The following DAAM1 variants were observed in gnomAD, a reference collection of about 807,000 sequenced individuals.
DAAM1 encodes the protein dishevelled associated activator of morphogenesis 1.
In DAAM1, 52 loss-of-function variants were observed where a neutral mutation model predicts 130.0. The observed-to-expected ratio is 0.40, with a 90% CI of 0.32 to 0.50. DAAM1 has a LOEUF of 0.50. Among genes scored for constraint, DAAM1 ranks in the 20% least tolerant of loss-of-function variants. The pLI is 0.61. For missense variants in DAAM1, 1,134 were observed against 1,303.8 expected, an observed-to-expected ratio of 0.87 and a Z score of 2.01; for synonymous variants, 452 against 444.5, an observed-to-expected ratio of 1.02 and a Z score of -0.21.
chr14:59,241,633 C>T (rs1253017), intron 1 of DAAM1, among the ~76,000 whole-genome samples: 132,614 of 152,212 alleles, frequency 0.87, 58,807 homozygotes, highest in East Asian at 1. Flanking sequence ...TAATTCTGCT[C>T]TACTGCACCC....
chr14:59,275,429 T>A (rs1007401599), intron 2 of DAAM1, among the ~76,000 whole-genome samples: 2 of 151,960 alleles, frequency 1.3e-5, no homozygotes, highest in Non-Finnish European at 2.9e-5. Flanking sequence ...ACCCCGAACT[T>A]AAAAGTTAAA....
chr14:59,204,709 T>C (rs1888208221), intron 1 of DAAM1, among the ~76,000 whole-genome samples: 1 of 152,214 alleles, frequency 6.6e-6, no homozygotes, highest in Admixed American at 6.5e-5. Context: ...TCTTGATGAT[T>C]ATTAAAATGA....
At chr14:59,349,424 A>T (rs1376474184) in intron 17 of DAAM1, among the ~76,000 whole-genome samples, 1 of 152,254 alleles carries the variant, frequency 6.6e-6, no homozygotes. Flanking sequence ...CAGAATCTGG[A>T]CAAGTAGGAT....
intron 4 of DAAM1, 64 bp from the exon 5 acceptor site, chr14:59,320,426 G>T: frequency 1.5e-6 from 2 of 1,293,242 alleles, no homozygotes; most frequent in Non-Finnish European, 2.2e-6. Context: ...CTGTAGGTTT[G>T]TCTTGTTTGT....
rs188230915 is a variant in DAAM1 at position 59,237,652 on chromosome 14, A to G, written c.-37-25789A>G. On this transcript the variant is annotated intron_variant, in intron 1 of 24. Transcript: ENST00000360909. Reference sequence around the variant, plus strand: ...TAAAATATTTTGTGCCAGGATTGATATAGGCCTTATTGCATCTAATAAGAC... The same window carrying G: ...TAAAATATTTTGTGCCAGGATTGATGTAGGCCTTATTGCATCTAATAAGAC... 2.9e-3 allele frequency among the ~76,000 whole-genome samples: 444 copies of G among 152,290 alleles called. 1 individual carries two copies. Among genetic ancestry groups the G allele is most frequent in the Middle Eastern group, 6.8e-3 (2 of 294 alleles).
At chr14:59,367,353 G>A in intron 23 of DAAM1, 76 bp from the exon 24 acceptor site, 1 of 1,515,264 alleles carries the variant, frequency 6.6e-7, no homozygotes, top group South Asian at 1.4e-5. Flanking sequence ...CTGGGCTTTG[G>A]TCTTTCTCAA....
At position 59,331,327 on chromosome 14, in the gene DAAM1, G is replaced by A. The variant is rs1166666267; in HGVS notation, c.1679G>A (p.Gly560Glu). 6.2e-7 allele frequency: 1 copy of A among 1,611,408 alleles called. No individual in the cohort carries two copies. ...CCACCACCCCCACCTCTACCAGGTG[G>A]GATGCTTCCCCCTCCACCGCCTCCC... ...PPPPPPPLPG[G>E]MLPPPPPPLP... Residue 560 changes from glycine to glutamate, a missense_variant, in exon 14 of 25, where the codon GGG becomes GAG. Around this residue, in one of 3 missense-constraint regions of DAAM1, gnomAD observed 644 missense variants for 695.9 expected, o/e 0.93. Transcript: ENST00000360909.
At chr14:59,330,736 C>T in intron 13 of DAAM1, 48 bp downstream of exon 13, 1 of 1,527,048 alleles carries the variant, frequency 6.5e-7, no homozygotes. Flanking sequence ...GCCTCACTGA[C>T]CCTAGAGCCC....
intron 2 of DAAM1, among the ~76,000 whole-genome samples, chr14:59,284,521 A>C (rs866412219): frequency 3.0e-4 from 46 of 152,316 alleles, no homozygotes; most frequent in African/African-American, 1.1e-3. Context: ...TCTGATGGCA[A>C]GGAAGCTCAT....
At chr14:59,241,989 A>G (rs749850013) in intron 1 of DAAM1, among the ~76,000 whole-genome samples, 3 of 152,172 alleles carry the variant, frequency 2.0e-5, no homozygotes, top group Non-Finnish European at 2.9e-5. Context: ...GGCAGGAACA[A>G]TGTGCTTCTA....
chr14:59,314,542 C>G (rs1255590999), intron 3 of DAAM1, among the ~76,000 whole-genome samples: 3 of 151,890 alleles, frequency 2.0e-5, no homozygotes, highest in African/African-American at 7.3e-5. Context: ...CACAGAAGCC[C>G]TGGGGGGCTT....
At position 59,363,698 on chromosome 14, in the gene DAAM1, T is replaced by A. The variant is rs778711935; in HGVS notation, c.2742T>A (p.Phe914Leu). The change falls in exon 23 of 25, where the codon TTT becomes TTA. Residue 914 changes from phenylalanine to leucine, a missense_variant. Coordinates refer to ENST00000360909, the MANE Select transcript of DAAM1 (RefSeq NM_001270520.2). ...KSQPPQPGDK[F>L]VSVVSQFITV... ...AGCCCCCACAGCCCGGAGATAAGTT[T>A]GTGTCTGTTGTCAGCCAGTTCATCA... The A allele has an allele frequency of 3.2e-5, 52 of 1,614,034 alleles. No individual in the cohort carries two copies. Among genetic ancestry groups the A allele is most frequent in the Non-Finnish European group, 4.2e-5 (49 of 1,179,998 alleles).
chr14:59,269,227 C>T (rs1257357040), intron 2 of DAAM1, among the ~76,000 whole-genome samples: 1 of 152,200 alleles, frequency 6.6e-6, no homozygotes. Flanking sequence ...GCTGCTCAAG[C>T]AGTACATTTT....
chr14:59,196,292 T>A (rs1594751025), intron 1 of DAAM1, among the ~76,000 whole-genome samples: 1 of 152,340 alleles, frequency 6.6e-6, no homozygotes, highest in East Asian at 1.9e-4. Flanking sequence ...TGAGATAGAT[T>A]GTTCATATGT....
chr14:59,210,256 A>C (rs1363349159), intron 1 of DAAM1, among the ~76,000 whole-genome samples: 2 of 152,266 alleles, frequency 1.3e-5, no homozygotes, highest in Non-Finnish European at 2.9e-5. Context: ...CATTGCCTAC[A>C]ATGAGTATTA....
chr14:59,296,084 T>G (rs1452219112), intron 3 of DAAM1, among the ~76,000 whole-genome samples: 1 of 152,238 alleles, frequency 6.6e-6, no homozygotes, highest in Non-Finnish European at 1.5e-5. Context: ...ATTTCTGCTC[T>G]TATGTGATAA....
At chr14:59,340,793 AATGTTGTC>A (rs1885814509) in intron 16 of DAAM1, among the ~76,000 whole-genome samples, 1 of 152,198 alleles carries the variant, frequency 6.6e-6, no homozygotes, top group East Asian at 1.9e-4. Context: ...AACTTCGGGC[AATGTTGTC>A]AGGTTTTTCT....
chr14:59,239,266 A>G (rs1889403824), intron 1 of DAAM1, among the ~76,000 whole-genome samples: 1 of 152,238 alleles, frequency 6.6e-6, no homozygotes, highest in Admixed American at 6.5e-5. Context: ...ATATAAAATA[A>G]GTAATCCAAC....
At chr14:59,217,405 G>A (rs1272104) in intron 1 of DAAM1, among the ~76,000 whole-genome samples, 19,609 of 152,198 alleles carry the variant, frequency 0.13, 1,472 homozygotes, top group Middle Eastern at 0.2. Context: ...GATTTTCACT[G>A]TAGATGGGCT....
Sources: allele counts gnomAD v4.1 joint callset (sites outside exome capture counted in the v4.1 genomes callset), GRCh38; gene constraint gnomAD v4.1.1; regional missense constraint gnomAD v4.1.1; transcripts MANE v1.5; gene names NCBI Gene and HGNC (gene_info 2026-07-23, HGNC 2026-07-21).